The following CEP70 variants were observed in gnomAD, a reference collection of about 807,000 sequenced individuals.
CEP70 encodes the protein centrosomal protein of 70 kDa.
Under a neutral mutation model 90.9 loss-of-function variants are expected in CEP70, and 70 were observed. That is an observed-to-expected ratio of 0.77 (90% CI 0.64 to 0.94). CEP70 has a LOEUF of 0.94. CEP70 is among the 40% of genes least tolerant of loss of function. The probability of loss-of-function intolerance (pLI) is 0.00; values close to 1 mark genes in which losing one functional copy is unlikely to be tolerated. For missense variants in CEP70, 648 were observed against 669.0 expected (o/e 0.97, Z 0.35); for synonymous variants, 220 against 228.3 (o/e 0.96, Z 0.33).
At chr3:138,565,287 T>G (rs868477672) in intron 6 of CEP70, among the ~76,000 whole-genome samples, 1 of 152,160 alleles carries the variant, frequency 6.6e-6, no homozygotes. Context: ...AATTTATAGA[T>G]TCAATGCTAT....
intron 6 of CEP70, among the ~76,000 whole-genome samples, chr3:138,553,394 G>A (rs1430604315): frequency 2.0e-5 from 3 of 151,830 alleles, no homozygotes; most frequent in Non-Finnish European, 2.9e-5. Context: ...GCAGGAGAAT[G>A]GTGTGAACCC....
intron 2 of CEP70, among the ~76,000 whole-genome samples, chr3:138,584,617 G>A (rs1039680215): frequency 4.1e-4 from 62 of 152,074 alleles, no homozygotes; most frequent in African/African-American, 1.5e-3. Context: ...ATTTATCCCA[G>A]GGATGAAAGG....
chr3:138,550,338 T>G (rs1211075460), intron 6 of CEP70, among the ~76,000 whole-genome samples: 2 of 152,168 alleles, frequency 1.3e-5, no homozygotes, highest in African/African-American at 4.8e-5. Context: ...GAGAGAAATC[T>G]TCAGTGAAAA....
chr3:138,561,871 A>C (rs1335961654), intron 6 of CEP70, among the ~76,000 whole-genome samples: 1 of 151,854 alleles, frequency 6.6e-6, no homozygotes, highest in Non-Finnish European at 1.5e-5. Context: ...AAAAATACAA[A>C]AAATTAGCTG....
intron 2 of CEP70, among the ~76,000 whole-genome samples, chr3:138,573,372 G>A (rs1377992379): frequency 6.7e-6 from 1 of 149,480 alleles, no homozygotes; most frequent in Non-Finnish European, 1.5e-5. Flanking sequence ...ATTGCAACTG[G>A]GATACAGTAA....
rs950212159 is a variant in CEP70 at position 138,500,779 on chromosome 3, A to G, written c.1324T>C (p.Phe442Leu). ...TCTTCCAGCATAGTATCTACTATAA[A>G]CAACAAATCTTCAACTTTGATACCT... is the stretch of plus-strand genomic sequence containing the variant. ...NEGIKVEDLL[F>L]IVDTMLEEVE... is the part of the protein sequence containing the mutation. The change falls in exon 14 of 18, where the codon TTT becomes CTT. Residue 442 changes from phenylalanine to leucine, a missense_variant. Physicochemically the swap from Phe to Leu is conservative, Grantham distance 22. Coordinates refer to ENST00000264982, the MANE Select transcript of CEP70 (RefSeq NM_024491.4). 2 of 1,606,782 alleles carry G rather than the reference A, an allele frequency of 1.2e-6. No individual in the cohort carries two copies. The highest frequency in any genetic ancestry group is 1.7e-6 in the Non-Finnish European group (2 of 1,175,712).
chr3:138,586,131 C>T lies in CEP70; in HGVS notation c.-6+5723G>A, dbSNP rs115875055. 5.9e-3 allele frequency among the ~76,000 whole-genome samples: 891 copies of T among 152,018 alleles called. 10 individuals carry two copies. Among genetic ancestry groups the T allele is most frequent in the South Asian group, 0.016 (78 of 4,806 alleles). ...AAATATTTGTAAACTACCCATCTGACGAGGGTTAATAGCCAGGATGTATAA... is the reference window on the plus strand; with the variant it reads ...AAATATTTGTAAACTACCCATCTGATGAGGGTTAATAGCCAGGATGTATAA... On this transcript the variant is annotated intron_variant, in intron 2 of 17. Coordinates refer to ENST00000264982, the MANE Select transcript of CEP70 (RefSeq NM_024491.4).
chr3:138,538,421 G>C (rs116170310), intron 6 of CEP70, among the ~76,000 whole-genome samples: 1 of 152,270 alleles, frequency 6.6e-6, no homozygotes, highest in African/African-American at 2.4e-5. Flanking sequence ...CTGAATGCTT[G>C]CCAGAGCTGT....
At position 138,500,716 on chromosome 3, in the gene CEP70, C is replaced by T. The variant is rs771787285; in HGVS notation, c.1368+19G>A. On this transcript the variant is annotated intron_variant, in intron 14 of 17. Coordinates refer to ENST00000264982, the MANE Select transcript of CEP70 (RefSeq NM_024491.4). ...TGAGATAAGAAACATTAGAAGGTGA[C>T]CGTTCATGTAGGTATTACCTTTTCC... 1.3e-6 allele frequency: 2 copies of T among 1,559,290 alleles called. No homozygotes were observed. Among genetic ancestry groups the T allele is most frequent in the South Asian group, 1.2e-5 (1 of 80,974 alleles).
At chr3:138,558,845 C>G (rs1197588058) in intron 6 of CEP70, among the ~76,000 whole-genome samples, 1 of 151,908 alleles carries the variant, frequency 6.6e-6, no homozygotes, top group Non-Finnish European at 1.5e-5. Context: ...AAAAGGAAAC[C>G]TACAAAAACA....
intron 6 of CEP70, among the ~76,000 whole-genome samples, chr3:138,562,032 A>C (rs1328673577): frequency 1.3e-5 from 2 of 151,584 alleles, no homozygotes; most frequent in Non-Finnish European, 2.9e-5. Flanking sequence ...CAAAAAAAAA[A>C]AAAAAAGAAG....
intron 11 of CEP70, among the ~76,000 whole-genome samples, chr3:138,521,070 G>A (rs972520131): frequency 2.0e-5 from 3 of 152,136 alleles, no homozygotes; most frequent in Admixed American, 6.5e-5. Flanking sequence ...TCGGCCTCCC[G>A]AGGTGCCGGG....
intron 11 of CEP70, among the ~76,000 whole-genome samples, chr3:138,514,947 A>G (rs1449334585): frequency 6.6e-6 from 1 of 152,226 alleles, no homozygotes; most frequent in Non-Finnish European, 1.5e-5. Context: ...ACAAAAACAC[A>G]TCATTTCTTC....
At chr3:138,540,048 T>C (rs1261814089) in intron 6 of CEP70, among the ~76,000 whole-genome samples, 3 of 152,134 alleles carry the variant, frequency 2.0e-5, no homozygotes, top group African/African-American at 4.8e-5. Context: ...GGAGGAGACA[T>C]CTGAAACTAT....
Position 138,495,058 on chromosome 3 carries a change from G to T in CEP70, c.1751C>A (p.Ala584Asp). The T allele has an allele frequency of 6.4e-7, 1 of 1,555,910 alleles. No individual in the cohort carries two copies. The change falls in exon 18 of 18, where the codon GCC becomes GAC. Residue 584 changes from alanine (A) to aspartate (D), a missense_variant. By Grantham distance (126) the Ala-to-Asp change is moderately radical (BLOSUM62 -2). Coordinates refer to ENST00000264982, the MANE Select transcript of CEP70 (RefSeq NM_024491.4). ...LEILEIDDLD[A>D]IVPAVKKLKV... ...TAATTTCTTTACTGCAGGTACAATG[G>T]CATCCAAGTCATCAATTTCTGTAAT...
chr3:138,560,603 A>G (rs1576832837), intron 6 of CEP70, among the ~76,000 whole-genome samples: 1 of 152,014 alleles, frequency 6.6e-6, no homozygotes, highest in Admixed American at 6.5e-5. Flanking sequence ...CATGGAGCCC[A>G]GCAAGCTAAG....
chr3:138,579,368 G>C (rs1234556656), intron 2 of CEP70, among the ~76,000 whole-genome samples: 2 of 152,024 alleles, frequency 1.3e-5, no homozygotes, highest in East Asian at 3.9e-4. Flanking sequence ...GTGACCTAGT[G>C]AGACAACAGC....
intron 11 of CEP70, among the ~76,000 whole-genome samples, chr3:138,517,849 G>A (rs934476824): frequency 3.3e-5 from 5 of 152,316 alleles, no homozygotes; most frequent in Admixed American, 2.6e-4. Flanking sequence ...GACAGTGGGT[G>A]CAGCGCACCG....
chr3:138,570,402 A>C lies in CEP70; in HGVS notation c.381T>G (p.Gly127=). 1.2e-6 allele frequency: 2 copies of C among 1,608,854 alleles called. No individual in the cohort carries two copies. The highest frequency in any genetic ancestry group is 1.7e-6 in the Non-Finnish European group (2 of 1,178,048). ...QIMESVKSKI[G]ELEDESLSRA... is the part of the protein sequence containing the mutation. ...TACTTAGTGATTCATCCTCCAATTCACCAATTTTGGATTTCACACTTTCCA... is the reference window on the plus strand; with the variant it reads ...TACTTAGTGATTCATCCTCCAATTCCCCAATTTTGGATTTCACACTTTCCA... The change falls in exon 6 of 18, where the codon GGT becomes GGG. Residue 127 remains glycine (G), a synonymous_variant. Coordinates refer to ENST00000264982, the MANE Select transcript of CEP70 (RefSeq NM_024491.4).
Sources: gnomAD v4.1 joint callset for allele counts (sites outside exome capture counted in the v4.1 genomes callset) on GRCh38, gnomAD v4.1.1 for gene constraint, MANE v1.5 for transcripts, NCBI Gene and HGNC (gene_info 2026-07-23, HGNC 2026-07-21) for gene names.